Variants in TBC1D30 observed in about 807,000 individuals in gnomAD.
TBC1D30 encodes the protein TBC1 domain family member 30, also known as TBC1 domain family, member 30.
In TBC1D30, 31 loss-of-function variants were observed where a neutral mutation model predicts 63.2. The observed-to-expected ratio is 0.49, with a 90% CI of 0.37 to 0.66. The LOEUF (loss-of-function observed/expected upper bound fraction) is 0.66. TBC1D30 is among the 30% of genes least tolerant of loss of function. The pLI is 0.00. For missense variants in TBC1D30, 810 were observed against 953.6 expected (o/e 0.85, Z 1.98); for synonymous variants, 307 against 361.5 (o/e 0.85, Z 1.71).
chr12:64,857,232 T>C (rs1359831142), intron 8 of TBC1D30, among the ~76,000 whole-genome samples: 1 of 152,120 alleles, frequency 6.6e-6, no homozygotes, highest in East Asian at 1.9e-4. Flanking sequence ...GTCTCAGAGC[T>C]CGGGCCCATG....
chr12:64,875,886 T>A lies in TBC1D30; in HGVS notation c.*98T>A. 2 of 1,268,898 alleles carry A rather than the reference T, an allele frequency of 1.6e-6. No individual in the cohort carries two copies. Among genetic ancestry groups the A allele is most frequent in the Middle Eastern group, 2.1e-4 (1 of 4,738 alleles). 78.6% of individuals were successfully genotyped at this position (1,268,898 alleles called of 1,614,324 possible). On this transcript the variant is annotated 3_prime_UTR_variant, in exon 12 of 12. Transcript: ENST00000539867. ...AAGAGTTTTATTTGTCCAGTGAAAA[T>A]GAATAGGTTCAGGGATGAGCAACAG...
At chr12:64,871,075 G>T (rs1156699997) in intron 11 of TBC1D30, among the ~76,000 whole-genome samples, 1 of 152,192 alleles carries the variant, frequency 6.6e-6, no homozygotes, top group Non-Finnish European at 1.5e-5. Context: ...GTGCTGTGGA[G>T]AAGGGTTTAC....
At chr12:64,801,897 C>T (rs1378461394) in intron 2 of TBC1D30, among the ~76,000 whole-genome samples, 1 of 152,160 alleles carries the variant, frequency 6.6e-6, no homozygotes, top group African/African-American at 2.4e-5. Flanking sequence ...GTGCATCTAA[C>T]CTTATCCCCT....
chr12:64,789,189 T>TG (rs1415529375), intron 2 of TBC1D30, among the ~76,000 whole-genome samples: 2 of 149,672 alleles, frequency 1.3e-5, no homozygotes, highest in African/African-American at 4.9e-5. Flanking sequence ...TTCTTCTTTT[T>TG]TTTTTTTTTT....
chr12:64,772,237 CAAAAAAAAAAA>C (rs747871090), intron 1 of TBC1D30, among the ~76,000 whole-genome samples: 2 of 49,318 alleles, frequency 4.1e-5, no homozygotes, highest in Non-Finnish European at 8.3e-5. Context: ...AACTCTGTCT[CAAAAAAAAAAA>C]AAAAAAAAAA....
chr12:64,869,594 C>T (rs147414607), intron 10 of TBC1D30, among the ~76,000 whole-genome samples: 28 of 152,202 alleles, frequency 1.8e-4, no homozygotes, highest in Non-Finnish European at 3.4e-4. Flanking sequence ...TTTGAATCTG[C>T]GTTTCTGTAG....
intron 10 of TBC1D30, among the ~76,000 whole-genome samples, chr12:64,869,901 GGA>G (rs1878520391): frequency 6.6e-6 from 1 of 152,144 alleles, no homozygotes; most frequent in Non-Finnish European, 1.5e-5. Context: ...AAATTGTGCT[GGA>G]GAAGCTTGCT....
At chr12:64,809,022 T>A (rs1173222479) in intron 2 of TBC1D30, among the ~76,000 whole-genome samples, 1 of 152,214 alleles carries the variant, frequency 6.6e-6, no homozygotes, top group Non-Finnish European at 1.5e-5. Flanking sequence ...AGCTCTGTGT[T>A]TTAAAACATG....
chr12:64,839,823 G>A (rs1260982903), intron 7 of TBC1D30, among the ~76,000 whole-genome samples: 3 of 151,936 alleles, frequency 2.0e-5, no homozygotes, highest in Non-Finnish European at 2.9e-5. Context: ...GACTAACACG[G>A]TGAAACCCCG....
chr12:64,875,566 A>C lies in TBC1D30; in HGVS notation c.2064A>C (p.Ala688=). 6.5e-7 allele frequency: 1 copy of C among 1,536,126 alleles called. No homozygotes were observed. Among genetic ancestry groups the C allele is most frequent in the Non-Finnish European group, 8.7e-7 (1 of 1,146,912 alleles). Residue 688 remains alanine (A), a synonymous_variant, in exon 12 of 12, where the codon GCA becomes GCC. Coordinates refer to ENST00000539867, the MANE Select transcript of TBC1D30 (RefSeq NM_015279.2). ...CQRHCPEPPS[A]PEENKATSKA... The stretch of plus-strand genomic sequence containing the variant: ...GGCACTGCCCAGAGCCGCCGAGTGC[A>C]CCCGAAGAAAACAAAGCCACCAGCA...
rs1223980091 is a variant in TBC1D30 at position 64,879,537 on chromosome 12, C to G, written c.*3749C>G. 1 of 152,238 alleles carries G rather than the reference C, an allele frequency of 6.6e-6. No individual in the cohort carries two copies. Among genetic ancestry groups the G allele is most frequent in the Non-Finnish European group, 1.5e-5 (1 of 68,046 alleles). 9.4% of individuals were successfully genotyped at this position (152,238 alleles called of 1,614,324 possible). A position where few individuals can be genotyped will look rare whatever the true frequency, so the allele number is the denominator to read the frequency against. On this transcript the variant is annotated 3_prime_UTR_variant, in exon 12 of 12. Transcript: ENST00000539867. The stretch of plus-strand genomic sequence containing the variant: ...GTAGTGAATGAGAATGCCTGCTTCT[C>G]TACATCCTGGAAGAGGCAGCAGTCT...
At chr12:64,832,346 A>C in intron 5 of TBC1D30, 42 bp downstream of exon 5, 2 of 1,503,412 alleles carry the variant, frequency 1.3e-6, no homozygotes, top group Non-Finnish European at 1.8e-6. Context: ...CATTCTTCTG[A>C]GAGTGAGAAA....
intron 11 of TBC1D30, 130 bp from the exon 12 acceptor site, chr12:64,874,871 C>A: frequency 1.2e-6 from 1 of 825,074 alleles, no homozygotes; most frequent in Non-Finnish European, 1.8e-6. Context: ...CATGACTCTG[C>A]CCCTCCCTGG....
At chr12:64,853,885 A>G (rs1877082806) in intron 8 of TBC1D30, among the ~76,000 whole-genome samples, 1 of 152,066 alleles carries the variant, frequency 6.6e-6, no homozygotes, top group East Asian at 1.9e-4. Flanking sequence ...GAAATCACCC[A>G]CCTTCCGCAT....
At chr12:64,864,535 C>T (rs1378101127) in intron 8 of TBC1D30, 133 bp from the exon 9 acceptor site, 1 of 580,584 alleles carries the variant, frequency 1.7e-6, no homozygotes, top group African/African-American at 1.9e-5. Flanking sequence ...AGTGGAATCT[C>T]TCCACCTGCT....
At chr12:64,823,401 T>A (rs188532358), upstream of TBC1D30, among the ~76,000 whole-genome samples, 44 of 152,310 alleles carry the variant, frequency 2.9e-4, 1 homozygote, top group East Asian at 6.0e-3. Flanking sequence ...AGTGGGATAG[T>A]CCATTAGGTT....
At chr12:64,764,459 G>C (rs1280456347) in intron 1 of TBC1D30, among the ~76,000 whole-genome samples, 1 of 152,058 alleles carries the variant, frequency 6.6e-6, no homozygotes, top group Non-Finnish European at 1.5e-5. Flanking sequence ...TTCCATCTCT[G>C]GCCACGATGG....
chr12:64,866,995 T>C (rs781037746), intron 10 of TBC1D30, 92 bp downstream of exon 10: 3 of 1,382,584 alleles, frequency 2.2e-6, no homozygotes, highest in Non-Finnish European at 2.9e-6. Flanking sequence ...CCAGTAACTT[T>C]CTGAACTGGT....
chr12:64,838,620 G>C (rs566863843), intron 6 of TBC1D30, 63 bp from the exon 7 acceptor site: 2 of 1,471,810 alleles, frequency 1.4e-6, no homozygotes, highest in Non-Finnish European at 1.8e-6. Flanking sequence ...ACTAGAAAAG[G>C]GTATCTGCAT....
Sources: gnomAD v4.1 joint callset for allele counts (sites outside exome capture counted in the v4.1 genomes callset) on GRCh38, gnomAD v4.1.1 for gene constraint, MANE v1.5 for transcripts, NCBI Gene and HGNC (gene_info 2026-07-23, HGNC 2026-07-21) for gene names.